GLCE: variants seen among roughly 807,000 people sequenced by gnomAD.
The protein encoded by GLCE is D-glucuronyl C5-epimerase.
A neutral mutation model predicts 47.9 loss-of-function variants in GLCE; 19 were observed. That is an observed-to-expected ratio of 0.40 (90% CI 0.28 to 0.58). GLCE has a LOEUF of 0.58. Among genes scored for constraint, GLCE ranks in the 20% least tolerant of loss-of-function variants. The pLI, the probability that GLCE is intolerant of heterozygous loss-of-function variation, is 0.48. For synonymous variants in GLCE, 245 were observed against 263.4 expected, an observed-to-expected ratio of 0.93 and a Z score of 0.68; for missense variants, 556 against 743.3, an observed-to-expected ratio of 0.75 and a Z score of 2.93.
chr15:69,252,788 A>G (rs1595784094), intron 2 of GLCE, among the ~76,000 whole-genome samples: 1 of 152,170 alleles, frequency 6.6e-6, no homozygotes, highest in African/African-American at 2.4e-5. Flanking sequence ...AAAAAAAATA[A>G]ACACCATTTA....
chr15:69,208,345 T>C (rs975829988), intron 1 of GLCE, among the ~76,000 whole-genome samples: 2 of 152,082 alleles, frequency 1.3e-5, no homozygotes, highest in African/African-American at 4.8e-5. Context: ...TTTATTTTTT[T>C]CTTTGCATAT....
chr15:69,166,858 T>C (rs1347924258), intron 1 of GLCE, among the ~76,000 whole-genome samples: 2 of 132,836 alleles, frequency 1.5e-5, no homozygotes, highest in African/African-American at 2.9e-5. Context: ...AGACGGAGGT[T>C]GCAGTGAGCC....
At chr15:69,163,422 A>C (rs527976493) in intron 1 of GLCE, among the ~76,000 whole-genome samples, 2 of 152,340 alleles carry the variant, frequency 1.3e-5, no homozygotes, top group Admixed American at 1.3e-4. Flanking sequence ...AGAAATACAC[A>C]AGGTACTTAA....
chr15:69,270,605 C>T lies in GLCE; in HGVS notation c.*1361C>T, dbSNP rs950991982. 2 of 152,100 alleles carry T rather than the reference C, an allele frequency of 1.3e-5. No homozygotes were observed. The highest frequency in any genetic ancestry group is 4.8e-5 in the African/African-American group (2 of 41,386). 9.4% of individuals were successfully genotyped at this position (152,100 alleles called of 1,614,324 possible). A position where few individuals can be genotyped will look rare whatever the true frequency, so the allele number is the denominator to read the frequency against. On this transcript the variant is annotated 3_prime_UTR_variant, in exon 5 of 5. Transcript: ENST00000261858. ...TTCAGGGGACCGAGTCTGACAAACA[C>T]AATACATTTATCTGTGACCTATATC...
chr15:69,197,116 A>G (rs2052005612), intron 1 of GLCE: 4 of 361,782 alleles, frequency 1.1e-5, no homozygotes, highest in South Asian at 2.3e-5. Flanking sequence ...TGCAGCCAGC[A>G]TTGATCAACA....
chr15:69,197,367 C>A, intron 1 of GLCE: 1 of 241,022 alleles, frequency 4.1e-6, no homozygotes, highest in Non-Finnish European at 8.4e-6. Context: ...CACATTTTTA[C>A]ACTACAGGAA....
intron 1 of GLCE, among the ~76,000 whole-genome samples, chr15:69,168,066 G>A (rs932065351): frequency 6.6e-6 from 1 of 151,938 alleles, no homozygotes; most frequent in African/African-American, 2.4e-5. Flanking sequence ...CTTCTTGCCT[G>A]CTTTGTTTCT....
Position 69,270,312 on chromosome 15 carries a change from T to C in GLCE, c.*1068T>C, listed in dbSNP as rs530150262. The C allele has an allele frequency of 4.6e-5, 7 of 152,218 alleles. No individual in the cohort carries two copies. In the South Asian group the frequency reaches 1.5e-3, roughly 32 times the overall value. 9.4% of individuals were successfully genotyped at this position (152,218 alleles called of 1,614,324 possible). A position where few individuals can be genotyped will look rare whatever the true frequency, so the allele number is the denominator to read the frequency against. ...CCCAAACTAGTAAGTCTGTGCATCA[T>C]TGGGTGTTTTTTTTTAATTTAATTT... On this transcript the variant is annotated 3_prime_UTR_variant, in exon 5 of 5. Transcript: ENST00000261858.
chr15:69,177,311 C>G lies in GLCE; in HGVS notation c.-105+16554C>G, dbSNP rs143906942. Among the ~76,000 whole-genome samples the G allele has an allele frequency of 5.5e-3, 836 of 152,260 alleles. 11 individuals carry two copies. Among genetic ancestry groups the G allele is most frequent in the African/African-American group, 0.019 (787 of 41,550 alleles). On this transcript the variant is annotated intron_variant, in intron 1 of 4. Transcript: ENST00000261858. Reference sequence around the variant, plus strand: ...CTCCTGACTTCAGGTGATCCATCTGCCTTGGTCTCCCAAAGTGCTGAGATT... The same window carrying G: ...CTCCTGACTTCAGGTGATCCATCTGGCTTGGTCTCCCAAAGTGCTGAGATT...
At chr15:69,173,762 T>C (rs12437961) in intron 1 of GLCE, among the ~76,000 whole-genome samples, 18,617 of 152,286 alleles carry the variant, frequency 0.12, 1,204 homozygotes, top group East Asian at 0.17. Flanking sequence ...TTCACACTTA[T>C]AATACTTATG....
chr15:69,249,907 TA>T (rs146401653), intron 2 of GLCE, among the ~76,000 whole-genome samples: 4,226 of 152,274 alleles, frequency 0.028, 201 homozygotes, highest in African/African-American at 0.096. Flanking sequence ...TTACTTTCCC[TA>T]ATTTTTAACT....
intron 1 of GLCE, among the ~76,000 whole-genome samples, chr15:69,193,714 T>C (rs1450941237): frequency 6.6e-6 from 1 of 152,010 alleles, no homozygotes; most frequent in African/African-American, 2.4e-5. Flanking sequence ...ATGTCAATCC[T>C]GTGCTTGTAC....
At position 69,270,160 on chromosome 15, in the gene GLCE, C is replaced by T. The variant is rs2053145689; in HGVS notation, c.*916C>T. On this transcript the variant is annotated 3_prime_UTR_variant, in exon 5 of 5. Transcript: ENST00000261858. ...TGGAAAGGAGCTAGTAGCTTTAAGG[C>T]CACCACCATATTTTACTTTTTTAGG... is the stretch of plus-strand genomic sequence containing the variant. 1 of 151,896 alleles carries T rather than the reference C, an allele frequency of 6.6e-6. No homozygotes were observed. Among genetic ancestry groups the T allele is most frequent in the Non-Finnish European group, 1.5e-5 (1 of 67,956 alleles). The allele number at this position is 151,896 out of a possible 1,614,324, so 9.4% of individuals were successfully genotyped here.
chr15:69,269,352 G>A lies in GLCE; in HGVS notation c.*108G>A, dbSNP rs2053133292. 1.2e-6 allele frequency: 1 copy of A among 839,020 alleles called. No individual in the cohort carries two copies. The highest frequency in any genetic ancestry group is 2.4e-5 in the Admixed American group (1 of 41,144). The allele number at this position is 839,020 out of a possible 1,614,324, so 52.0% of individuals were successfully genotyped here. A position where few individuals can be genotyped will look rare whatever the true frequency, so the allele number is the denominator to read the frequency against. On this transcript the variant is annotated 3_prime_UTR_variant, in exon 5 of 5. Coordinates refer to ENST00000261858, the MANE Select transcript of GLCE (RefSeq NM_015554.3). The stretch of plus-strand genomic sequence containing the variant: ...AAAAGGTTATGTACTAGGTTTTTGT[G>A]GATTCTATCAAAGTGATAAGTGATC...
chr15:69,232,139 A>G (rs1382007870), intron 2 of GLCE, among the ~76,000 whole-genome samples: 1 of 152,240 alleles, frequency 6.6e-6, no homozygotes, highest in Non-Finnish European at 1.5e-5. Context: ...CTATTGTCTG[A>G]GTAATTACCA....
intron 1 of GLCE, among the ~76,000 whole-genome samples, chr15:69,182,296 T>TGAGA (rs1437680533): frequency 1.1e-4 from 17 of 150,466 alleles, no homozygotes; most frequent in Non-Finnish European, 2.2e-4. Context: ...TGTGTGTGTG[T>TGAGA]GTGAGAGAGA....
chr15:69,240,229 C>T (rs1030566605), intron 2 of GLCE, among the ~76,000 whole-genome samples: 2 of 149,798 alleles, frequency 1.3e-5, no homozygotes, highest in South Asian at 2.1e-4. Flanking sequence ...TTTATCAAAC[C>T]GCCGAGATCC....
At chr15:69,204,229 C>T (rs1463440937) in intron 1 of GLCE, among the ~76,000 whole-genome samples, 1 of 150,552 alleles carries the variant, frequency 6.6e-6, no homozygotes, top group Non-Finnish European at 1.5e-5. Flanking sequence ...TCAAATAAAG[C>T]GACTATTTTT....
At chr15:69,219,886 C>T (rs2052355653) in intron 2 of GLCE, among the ~76,000 whole-genome samples, 1 of 152,030 alleles carries the variant, frequency 6.6e-6, no homozygotes, top group South Asian at 2.1e-4. Context: ...CCCCAGTTTT[C>T]CCTTCCCCCA....
Sources: gnomAD v4.1 joint callset for allele counts (sites outside exome capture counted in the v4.1 genomes callset) on GRCh38, gnomAD v4.1.1 for gene constraint, MANE v1.5 for transcripts, NCBI Gene and HGNC (gene_info 2026-07-23, HGNC 2026-07-21) for gene names.